VPS13D: variants seen among roughly 807,000 people sequenced by gnomAD.
The protein encoded by VPS13D is intermembrane lipid transfer protein VPS13D.
Under a neutral mutation model 461.9 loss-of-function variants are expected in VPS13D, and 187 were observed. The ratio of observed to expected loss-of-function variants is 0.40; its 90% CI spans 0.36 to 0.46. The LOEUF is 0.46. VPS13D is among the 20% of genes least tolerant of loss of function. The pLI is 0.60. For synonymous variants in VPS13D, 1,951 were observed against 1,986.3 expected (o/e 0.98, Z 0.47); for missense variants, 4,711 against 5,364.9 (o/e 0.88, Z 3.81).
chr1:12,346,504 T>G (rs1643679761), intron 43 of VPS13D, 101 bp from the exon 44 acceptor site: 3 of 1,199,746 alleles, frequency 2.5e-6, no homozygotes, highest in Non-Finnish European at 3.6e-6. Flanking sequence ...TTGAAAGTAT[T>G]TACAAACACG....
intron 24 of VPS13D, among the ~76,000 whole-genome samples, chr1:12,293,954 C>A (rs754588788): frequency 1.9e-4 from 29 of 152,166 alleles, no homozygotes; most frequent in Non-Finnish European, 3.8e-4. Context: ...TTACAAAGAA[C>A]ACTTAAGACT....
At chr1:12,447,495 C>T (rs1398782353) in intron 65 of VPS13D, among the ~76,000 whole-genome samples, 1 of 152,132 alleles carries the variant, frequency 6.6e-6, no homozygotes. Flanking sequence ...CCAGAAGTTC[C>T]ACTGTGGTCT....
chr1:12,235,698 C>T (rs1465019758), intron 2 of VPS13D, among the ~76,000 whole-genome samples: 70 of 152,240 alleles, frequency 4.6e-4, no homozygotes, highest in Admixed American at 4.6e-3. Context: ...CCTTTCCTTT[C>T]CTATTCTCCT....
At chr1:12,241,345 T>C (rs1268509402) in intron 2 of VPS13D, among the ~76,000 whole-genome samples, 1 of 152,226 alleles carries the variant, frequency 6.6e-6, no homozygotes. Context: ...AGTAAAAGGC[T>C]CTCTTGCATT....
chr1:12,292,229 T>C (rs944677150), intron 23 of VPS13D, among the ~76,000 whole-genome samples: 8 of 112,638 alleles, frequency 7.1e-5, no homozygotes, highest in African/African-American at 2.1e-4. Context: ...ACTGCACCAC[T>C]CCAGCCTGGG....
intron 25 of VPS13D, among the ~76,000 whole-genome samples, chr1:12,301,158 C>T (rs1476145617): frequency 6.6e-6 from 1 of 152,212 alleles, no homozygotes; most frequent in East Asian, 1.9e-4. Flanking sequence ...AAACAGCTCC[C>T]AATGCTTCTG....
intron 7 of VPS13D, among the ~76,000 whole-genome samples, chr1:12,254,838 T>C (rs976110997): frequency 6.6e-6 from 1 of 152,098 alleles, no homozygotes; most frequent in African/African-American, 2.4e-5. Context: ...AGTTTAATCC[T>C]TCTGTAAATA....
rs1164504919 is a variant in VPS13D, at chr1:12,262,016, G to A, written c.1530G>A (p.Leu510=). The A allele has an allele frequency of 6.2e-7, 1 of 1,614,130 alleles. No individual in the cohort carries two copies. Among genetic ancestry groups the A allele is most frequent in the South Asian group, 1.1e-5 (1 of 91,068 alleles). ...AGTTGCAGCGAGGTACAGTGACTCT[G>A]TTACACAAGGAGCAAGGAACTCCTC... ...NLQLQRGTVT[L]LHKEQGTPQM... The change falls in exon 13 of 70, where the codon CTG becomes CTA. Residue 510 remains leucine (L), a synonymous_variant. Coordinates refer to ENST00000620676, the MANE Select transcript of VPS13D (RefSeq NM_015378.4).
At chr1:12,321,759 C>G (rs746764426) in intron 32 of VPS13D, 50 bp from the exon 33 acceptor site, 11 of 1,555,746 alleles carry the variant, frequency 7.1e-6, no homozygotes, top group Non-Finnish European at 8.7e-6. Context: ...GTAGTTGGAC[C>G]CTTCCTAAAT....
Position 12,276,989 on chromosome 1 carries a change from A to G in VPS13D, c.3401A>G (p.Lys1134Arg), listed in dbSNP as rs1557680771. ...GFLQKSFPKEKDDLSPQPLMT... is the reference protein window; with the variant it reads ...GFLQKSFPKERDDLSPQPLMT... Reference sequence around the variant, plus strand: ...CTTCAAAAATCCTTTCCCAAGGAAAAAGATGATTTAAGTCCTCAACCTTTA... The same window carrying G: ...CTTCAAAAATCCTTTCCCAAGGAAAGAGATGATTTAAGTCCTCAACCTTTA... Residue 1134 changes from lysine to arginine, a missense_variant, in exon 19 of 70, where the codon AAA becomes AGA. Around this residue, in one of 3 missense-constraint regions of VPS13D, gnomAD observed 4,411 missense variants for 4,937.8 expected, o/e 0.89. Coordinates refer to ENST00000620676, the MANE Select transcript of VPS13D (RefSeq NM_015378.4). This position sits in a 1 kb window ranked among gnomAD's most constrained non-coding sequence, Gnocchi z 4.5. 6.2e-7 allele frequency: 1 copy of G among 1,614,144 alleles called. No individual in the cohort carries two copies. Among genetic ancestry groups the G allele is most frequent in the South Asian group, 1.1e-5 (1 of 91,076 alleles).
chr1:12,277,334 G>A lies in VPS13D; in HGVS notation c.3746G>A (p.Ser1249Asn). 1.2e-6 allele frequency: 2 copies of A among 1,614,128 alleles called. No homozygotes were observed. Among genetic ancestry groups the A allele is most frequent in the Middle Eastern group, 1.6e-4 (1 of 6,062 alleles). Residue 1249 changes from serine (S) to asparagine (N), a missense_variant, in exon 19 of 70, where the codon AGT becomes AAT. By Grantham distance (46) the Ser-to-Asn change is conservative. Coordinates refer to ENST00000620676, the MANE Select transcript of VPS13D (RefSeq NM_015378.4). ...GNSVGYENII[S>N]DIGYFESVFV... Reference sequence around the variant, plus strand: ...TCTGTAGGCTATGAAAATATCATCAGTGATATTGGCTACTTTGAATCTGTG... The same window carrying A: ...TCTGTAGGCTATGAAAATATCATCAATGATATTGGCTACTTTGAATCTGTG...
At chr1:12,322,092 G>A (rs1388238007) in intron 33 of VPS13D, 128 bp downstream of exon 33, 1 of 1,191,012 alleles carries the variant, frequency 8.4e-7, no homozygotes, top group African/African-American at 1.6e-5. Context: ...TTGAGATGGA[G>A]TCTTGCTCTG....
chr1:12,348,901 T>G lies in VPS13D; in HGVS notation c.9148T>G (p.Ser3050Ala). The G allele has an allele frequency of 5.6e-6, 9 of 1,614,208 alleles. No homozygotes were observed. Among genetic ancestry groups the G allele is most frequent in the Non-Finnish European group, 7.6e-6 (9 of 1,180,032 alleles). Reference protein sequence around the residue: ...GSARKVITVRSALIVRNRLET... With the variant: ...GSARKVITVRAALIVRNRLET... ...TGCACGGAAAGTCATCACTGTCCGGTCAGCCCTCATTGTGAGGAACAGACT... is the reference window on the plus strand; with the variant it reads ...TGCACGGAAAGTCATCACTGTCCGGGCAGCCCTCATTGTGAGGAACAGACT... Residue 3050 changes from serine to alanine, a missense_variant, in exon 45 of 70, where the codon TCA (serine) becomes GCA (alanine). By Grantham distance (99) the Ser-to-Ala change is moderately conservative. Around this residue, in one of 3 missense-constraint regions of VPS13D, gnomAD observed 4,411 missense variants for 4,937.8 expected, o/e 0.89. Transcript: ENST00000620676.
chr1:12,242,476 T>C (rs577599895), intron 2 of VPS13D, 37 bp from the exon 3 acceptor site: 64 of 1,588,670 alleles, frequency 4.0e-5, no homozygotes, highest in Non-Finnish European at 5.4e-5. Context: ...ACTGTATTTG[T>C]TAAATGGATA....
At chr1:12,294,275 G>A (rs1221390894) in intron 24 of VPS13D, among the ~76,000 whole-genome samples, 2 of 152,222 alleles carry the variant, frequency 1.3e-5, no homozygotes, top group African/African-American at 2.4e-5. Flanking sequence ...GGAGGTATGT[G>A]CCTGTTAGGT....
At chr1:12,466,079 G>C (rs1645479046) in intron 67 of VPS13D, among the ~76,000 whole-genome samples, 1 of 151,576 alleles carries the variant, frequency 6.6e-6, no homozygotes, top group African/African-American at 2.4e-5. Context: ...AGGTTGCAGT[G>C]AGCCGAGATT....
chr1:12,424,618 T>G (rs1644901770), intron 65 of VPS13D, among the ~76,000 whole-genome samples: 1 of 152,098 alleles, frequency 6.6e-6, no homozygotes, highest in Non-Finnish European at 1.5e-5. Context: ...GGTTTAGCTT[T>G]CCCCCTTTTC....
chr1:12,355,854 C>T (rs755867141), intron 47 of VPS13D, 45 bp from the exon 48 acceptor site: 1 of 1,452,816 alleles, frequency 6.9e-7, no homozygotes, highest in East Asian at 2.5e-5. Context: ...GCTATTTTGA[C>T]AAATAGTGAG....
intron 2 of VPS13D, among the ~76,000 whole-genome samples, chr1:12,240,901 C>T (rs1034088954): frequency 5.9e-5 from 9 of 152,098 alleles, no homozygotes; most frequent in Admixed American, 3.9e-4. Flanking sequence ...TGTTCAGATC[C>T]GCCAAGTTGC....
Sources: allele counts gnomAD v4.1 joint callset (sites outside exome capture counted in the v4.1 genomes callset), GRCh38; gene constraint gnomAD v4.1.1; regional missense constraint gnomAD v4.1.1; non-coding constraint Gnocchi (gnomAD v3.1); transcripts MANE v1.5; gene names NCBI Gene and HGNC (gene_info 2026-07-23, HGNC 2026-07-21).